EXOC6B: variants seen among roughly 807,000 people sequenced by gnomAD.
EXOC6B encodes exocyst complex component 6B.
EXOC6B carries 54 observed loss-of-function variants against 113.5 expected under a neutral mutation model. That is an observed-to-expected ratio of 0.48 (90% CI 0.38 to 0.60). EXOC6B has a LOEUF of 0.60. EXOC6B is among the 20% of genes least tolerant of loss of function. EXOC6B has a pLI of 0.00. For missense variants in EXOC6B, 797 were observed against 977.5 expected, an observed-to-expected ratio of 0.82 and a Z score of 2.46; for synonymous variants, 357 against 339.0, an observed-to-expected ratio of 1.05 and a Z score of -0.58.
chr2:72,528,166 A>G lies in EXOC6B; in HGVS notation c.916-13040T>C, dbSNP rs558034850. 1.3e-4 allele frequency among the ~76,000 whole-genome samples: 20 copies of G among 152,070 alleles called. No homozygotes were observed. The East Asian group carries it at 3.7e-3, about 28-fold the overall frequency. Reference sequence around the variant, plus strand: ...AAGATTTTCCCCTATTTTTTTCTAAATGGTTTGAAGTTTGTATAGTTTTGC... The same window carrying G: ...AAGATTTTCCCCTATTTTTTTCTAAGTGGTTTGAAGTTTGTATAGTTTTGC... On this transcript the variant is annotated intron_variant, in intron 8 of 21. Coordinates refer to ENST00000272427, the MANE Select transcript of EXOC6B (RefSeq NM_015189.3).
chr2:72,781,660 A>C lies in EXOC6B; in HGVS notation c.114-40191T>G, dbSNP rs187224693. Among the ~76,000 whole-genome samples, 141 of 152,214 alleles carry C rather than the reference A, an allele frequency of 9.3e-4. No homozygotes were observed. The Middle Eastern group carries it at 0.024, about 26-fold the overall frequency. On this transcript the variant is annotated intron_variant, in intron 1 of 21. Transcript: ENST00000272427. ...GGCCTGCATGCCAGTTAGCCAGAGC[A>C]CTGCAGGTCACTGTGACAGAGGAAA...
At position 72,683,360 on chromosome 2, in the gene EXOC6B, T is replaced by C. The variant is rs1676850866; in HGVS notation, c.669+34743A>G. On this transcript the variant is annotated intron_variant, in intron 6 of 21. Transcript: ENST00000272427. ...TAACAGAGGAAGAGTTAAATTATGTTATTTATATAATAAAATTTTTAAAAT... is the reference window on the plus strand; with the variant it reads ...TAACAGAGGAAGAGTTAAATTATGTCATTTATATAATAAAATTTTTAAAAT... 1.3e-5 allele frequency among the ~76,000 whole-genome samples: 2 copies of C among 152,252 alleles called. 1 individual carries two copies. Among genetic ancestry groups the C allele is most frequent in the Non-Finnish European group, 2.9e-5 (2 of 68,012 alleles).
intron 6 of EXOC6B, among the ~76,000 whole-genome samples, chr2:72,647,768 C>T (rs531107793): frequency 2.0e-5 from 3 of 152,270 alleles, no homozygotes; most frequent in South Asian, 4.1e-4. Context: ...ACACCTTATA[C>T]AAAAATTAAT....
At chr2:72,425,228 C>T (rs531829946) in intron 18 of EXOC6B, among the ~76,000 whole-genome samples, 1 of 152,222 alleles carries the variant, frequency 6.6e-6, no homozygotes, top group South Asian at 2.1e-4. Flanking sequence ...TCCCCTTCTT[C>T]CCCTCAATTA....
chr2:72,757,320 G>A (rs532064716), intron 1 of EXOC6B, among the ~76,000 whole-genome samples: 134 of 152,214 alleles, frequency 8.8e-4, no homozygotes, highest in Admixed American at 4.6e-4. Context: ...AAATGAAGTC[G>A]GGGAAGGCCA....
intron 19 of EXOC6B, 125 bp from the exon 20 acceptor site, chr2:72,335,145 G>GTC (rs1688621001): frequency 2.6e-6 from 2 of 781,474 alleles, no homozygotes; most frequent in Non-Finnish European, 4.3e-6. Flanking sequence ...AAGGAGTCAT[G>GTC]TCTCTCTCCC....
intron 20 of EXOC6B, among the ~76,000 whole-genome samples, chr2:72,306,318 T>G (rs1292521631): frequency 6.6e-6 from 1 of 152,228 alleles, no homozygotes; most frequent in Non-Finnish European, 1.5e-5. Flanking sequence ...ACTCAAACTC[T>G]GCAAGTGTTT....
chr2:72,680,284 G>A (rs1197490343), intron 6 of EXOC6B, among the ~76,000 whole-genome samples: 2 of 152,136 alleles, frequency 1.3e-5, no homozygotes, highest in Admixed American at 6.5e-5. Flanking sequence ...CTACTTATTA[G>A]CTATGTAACA....
intron 18 of EXOC6B, among the ~76,000 whole-genome samples, chr2:72,398,699 A>AG (rs928656335): frequency 1.4e-5 from 2 of 145,250 alleles, no homozygotes; most frequent in African/African-American, 5.4e-5. Context: ...TCTATCTCAA[A>AG]AAAAAAAAAA....
At chr2:72,407,612 A>C (rs1693870584) in intron 18 of EXOC6B, among the ~76,000 whole-genome samples, 1 of 152,166 alleles carries the variant, frequency 6.6e-6, no homozygotes, top group East Asian at 1.9e-4. Context: ...AATGACAAAA[A>C]CCACATGATT....
rs143781172 is a variant in EXOC6B, at chr2:72,426,875, C to A, written c.1980+38285G>T. Among the ~76,000 whole-genome samples, 732 of 152,368 alleles carry A rather than the reference C, an allele frequency of 4.8e-3. 9 individuals are homozygous for A. Among genetic ancestry groups the A allele is most frequent in the African/African-American group, 0.016 (679 of 41,590 alleles). ...CCACTCCAGCTGCAGAGAGGAGGTG[C>A]AAGCAGTGGCTGCAGGGGCAGAAAT... On this transcript the variant is annotated intron_variant, in intron 18 of 21. Transcript: ENST00000272427.
intron 20 of EXOC6B, among the ~76,000 whole-genome samples, chr2:72,304,473 A>G (rs1235123079): frequency 6.6e-6 from 1 of 152,180 alleles, no homozygotes; most frequent in Non-Finnish European, 1.5e-5. Context: ...TTTGCCCAAC[A>G]CTAGATATCA....
intron 6 of EXOC6B, among the ~76,000 whole-genome samples, chr2:72,628,875 A>AT (rs1672221987): frequency 6.6e-6 from 1 of 152,166 alleles, no homozygotes; most frequent in African/African-American, 2.4e-5. Context: ...TAAAGTACAT[A>AT]TATATACTTA....
At chr2:72,221,590 A>T (rs980419934) in intron 20 of EXOC6B, among the ~76,000 whole-genome samples, 1 of 152,120 alleles carries the variant, frequency 6.6e-6, no homozygotes, top group Non-Finnish European at 1.5e-5. Context: ...CTTATTATTT[A>T]TCTATTTCCT....
chr2:72,382,645 C>A (rs951337196), intron 18 of EXOC6B, among the ~76,000 whole-genome samples: 5 of 152,176 alleles, frequency 3.3e-5, no homozygotes, highest in Admixed American at 2.6e-4. Flanking sequence ...TATATTACTT[C>A]TTCCTACTCA....
rs1464503231 is a variant in EXOC6B, at chr2:72,184,020, C to T, written c.2309+55G>A. The T allele has an allele frequency of 5.9e-6, 6 of 1,011,422 alleles. No homozygotes were observed. In the Admixed American group the frequency reaches 1.1e-4, roughly 18 times the overall value. 62.7% of individuals were successfully genotyped at this position (1,011,422 alleles called of 1,614,324 possible). A position where few individuals can be genotyped will look rare whatever the true frequency, so the allele number is the denominator to read the frequency against. ...GTGGCAAAATTATCTTCTACGCCAACCCCCAATCCCTGTCTCCCCACCTCC... is the reference window on the plus strand; with the variant it reads ...GTGGCAAAATTATCTTCTACGCCAATCCCCAATCCCTGTCTCCCCACCTCC... On this transcript the variant is annotated intron_variant, in intron 21 of 21. Transcript: ENST00000272427.
intron 6 of EXOC6B, among the ~76,000 whole-genome samples, chr2:72,675,254 A>G (rs1414284392): frequency 6.6e-6 from 1 of 152,230 alleles, no homozygotes; most frequent in Admixed American, 6.5e-5. Context: ...ACAGTTGATT[A>G]AAAAATGAAA....
At chr2:72,512,395 G>GGAAGGAAA (rs1700980627) in intron 11 of EXOC6B, among the ~76,000 whole-genome samples, 2 of 114,892 alleles carry the variant, frequency 1.7e-5, no homozygotes, top group African/African-American at 7.2e-5. Context: ...AAGGAAGGAA[G>GGAAGGAAA]GAAGGAAGGA....
chr2:72,269,108 T>G (rs1039597044), intron 20 of EXOC6B, among the ~76,000 whole-genome samples: 1 of 152,126 alleles, frequency 6.6e-6, no homozygotes, highest in Non-Finnish European at 1.5e-5. Flanking sequence ...TTACAATGTG[T>G]TCCTTCTTTT....
Sources: gnomAD v4.1 joint callset for allele counts (sites outside exome capture counted in the v4.1 genomes callset) on GRCh38, gnomAD v4.1.1 for gene constraint, MANE v1.5 for transcripts, NCBI Gene and HGNC (gene_info 2026-07-23, HGNC 2026-07-21) for gene names.